The following GRIP1 variants were observed in gnomAD, a reference collection of about 807,000 sequenced individuals.
GRIP1 encodes the protein glutamate receptor interacting protein 1.
In GRIP1, 45 loss-of-function variants were observed where a neutral mutation model predicts 129.9. That is an observed-to-expected ratio of 0.35 (90% CI 0.27 to 0.44). GRIP1 has a LOEUF of 0.44. Ranked by LOEUF, GRIP1 falls within the 20% of genes least tolerant of loss-of-function variation. GRIP1 has a pLI of 1.00. For synonymous variants in GRIP1, 530 were observed against 520.8 expected (o/e 1.02, Z -0.24); for missense variants, 1,196 against 1,396.8 (o/e 0.86, Z 2.29).
chr12:66,736,230 A>C (rs1454086822), intron 1 of GRIP1, among the ~76,000 whole-genome samples: 1 of 151,874 alleles, frequency 6.6e-6, no homozygotes, highest in Non-Finnish European at 1.5e-5. Flanking sequence ...CAGTGGCACC[A>C]TCATAGCACA....
At chr12:66,715,650 C>T (rs1479070621) in intron 1 of GRIP1, among the ~76,000 whole-genome samples, 1 of 151,984 alleles carries the variant, frequency 6.6e-6, no homozygotes, top group African/African-American at 2.4e-5. Context: ...AGTGGTTGTC[C>T]ACTTCACCTA....
At chr12:66,602,541 T>G (rs2064320274) in intron 1 of GRIP1, among the ~76,000 whole-genome samples, 1 of 152,138 alleles carries the variant, frequency 6.6e-6, no homozygotes, top group African/African-American at 2.4e-5. Flanking sequence ...ACAGCTTTGG[T>G]ATGTGGAGGC....
intron 2 of GRIP1, among the ~76,000 whole-genome samples, chr12:66,578,066 G>C (rs1368521984): frequency 6.6e-6 from 1 of 152,060 alleles, no homozygotes; most frequent in Non-Finnish European, 1.5e-5. Flanking sequence ...AGAGCAACTT[G>C]AAACAGGATG....
chr12:66,956,765 G>A (rs1184294229), intron 1 of GRIP1, among the ~76,000 whole-genome samples: 1 of 152,108 alleles, frequency 6.6e-6, no homozygotes. Context: ...TGGGCACTAG[G>A]CATGTTTGTC....
At chr12:66,647,344 GGA>G (rs1050221018) in intron 1 of GRIP1, 1 of 152,126 alleles carries the variant, frequency 6.6e-6, no homozygotes, top group Admixed American at 6.5e-5. Flanking sequence ...AAATTTAGGT[GGA>G]CATGTTGTAT....
At chr12:66,736,476 T>G (rs2036607485) in intron 1 of GRIP1, among the ~76,000 whole-genome samples, 1 of 150,140 alleles carries the variant, frequency 6.7e-6, no homozygotes, top group Admixed American at 6.7e-5. Flanking sequence ...ATATACTGTA[T>G]TCTTAAAGCT....
chr12:66,574,654 C>T lies in GRIP1; in HGVS notation c.136+22193G>A, dbSNP rs1477131312. Among the ~76,000 whole-genome samples the T allele has an allele frequency of 2.0e-5, 3 of 152,182 alleles. No homozygotes were observed. In the East Asian group the frequency reaches 5.8e-4, roughly 29 times the overall value. ...TAGGTTGCTTACAATATTTCATTAA[C>T]ATCTTCAACATGCATCTCTGTACAG... On this transcript the variant is annotated intron_variant, in intron 2 of 24. Coordinates refer to ENST00000359742, the MANE Select transcript of GRIP1 (RefSeq NM_001366722.1).
At chr12:66,735,430 A>G (rs1031461993) in intron 1 of GRIP1, among the ~76,000 whole-genome samples, 2 of 152,164 alleles carry the variant, frequency 1.3e-5, no homozygotes, top group African/African-American at 2.4e-5. Context: ...GTCAATAATA[A>G]ACACGCTCAC....
intron 1 of GRIP1, among the ~76,000 whole-genome samples, chr12:66,984,545 C>T (rs913045726): frequency 6.6e-6 from 1 of 152,156 alleles, no homozygotes; most frequent in African/African-American, 2.4e-5. Context: ...TTAATCCTCA[C>T]AACAACTCTA....
intron 24 of GRIP1, among the ~76,000 whole-genome samples, chr12:66,351,555 GGT>G (rs1491585772): frequency 0.012 from 1,667 of 143,522 alleles, 53 homozygotes; most frequent in African/African-American, 0.043. Flanking sequence ...ACAGGAAGGT[GGT>G]TTTTTTTTTT....
intron 1 of GRIP1, among the ~76,000 whole-genome samples, chr12:66,893,678 T>C (rs185829493): frequency 6.6e-6 from 1 of 152,348 alleles, no homozygotes; most frequent in Admixed American, 6.5e-5. Flanking sequence ...CATGAATACA[T>C]AAGATTTTGT....
At chr12:66,470,476 C>T (rs757835955) in intron 7 of GRIP1, among the ~76,000 whole-genome samples, 1 of 151,934 alleles carries the variant, frequency 6.6e-6, no homozygotes, top group Non-Finnish European at 1.5e-5. Flanking sequence ...TCAAATGTCA[C>T]ATCCTCAGGG....
At chr12:66,475,108 G>A (rs1206368038) in intron 7 of GRIP1, among the ~76,000 whole-genome samples, 1 of 152,124 alleles carries the variant, frequency 6.6e-6, no homozygotes, top group African/African-American at 2.4e-5. Flanking sequence ...GACACACATA[G>A]GATCAAAATA....
At position 66,602,796 on chromosome 12, in the gene GRIP1, C is replaced by T. The variant is rs1048546419; in HGVS notation, c.56-5869G>A. On this transcript the variant is annotated intron_variant, in intron 1 of 24. Transcript: ENST00000359742. The stretch of plus-strand genomic sequence containing the variant: ...GACTCTGCAGGTTTCCTCATTGTTT[C>T]ATAATTCAGACACAAATGTGCTCTA... 1.3e-4 allele frequency among the ~76,000 whole-genome samples: 19 copies of T among 143,658 alleles called. No individual in the cohort carries two copies. The Admixed American group carries it at 1.3e-3, about 10-fold the overall frequency. The allele number at this position is 143,658 out of a possible 152,430, so 94.2% of individuals were successfully genotyped here.
intron 1 of GRIP1, among the ~76,000 whole-genome samples, chr12:66,755,798 A>G (rs186502223): frequency 9.3e-4 from 141 of 152,336 alleles, no homozygotes; most frequent in African/African-American, 3.1e-3. Context: ...ACTCTGCCCT[A>G]TGAGAATGGG....
chr12:66,894,522 C>T (rs907096662), intron 1 of GRIP1, among the ~76,000 whole-genome samples: 36 of 152,290 alleles, frequency 2.4e-4, no homozygotes, highest in African/African-American at 7.9e-4. Context: ...TTCTAGCTGC[C>T]TATGCCCCAG....
At chr12:66,659,517 T>G (rs1272591246) in intron 1 of GRIP1, among the ~76,000 whole-genome samples, 1 of 152,260 alleles carries the variant, frequency 6.6e-6, no homozygotes, top group Non-Finnish European at 1.5e-5. Flanking sequence ...CCACATGCAT[T>G]AATACAGTGT....
intron 22 of GRIP1, among the ~76,000 whole-genome samples, chr12:66,376,561 C>G (rs540077221): frequency 1.2e-4 from 18 of 152,198 alleles, no homozygotes; most frequent in Non-Finnish European, 2.5e-4. Flanking sequence ...TAAGTTAATA[C>G]AGATGGAATC....
At chr12:66,672,979 C>G (rs2034151847) in intron 1 of GRIP1, among the ~76,000 whole-genome samples, 2 of 152,130 alleles carry the variant, frequency 1.3e-5, no homozygotes, top group South Asian at 4.1e-4. Context: ...GACATATCTT[C>G]TAATTTCTAA....
Sources: allele counts gnomAD v4.1 joint callset (sites outside exome capture counted in the v4.1 genomes callset), GRCh38; gene constraint gnomAD v4.1.1; transcripts MANE v1.5; gene names NCBI Gene and HGNC (gene_info 2026-07-23, HGNC 2026-07-21).